DPP6: variants seen among roughly 807,000 people sequenced by gnomAD.
DPP6 encodes the protein dipeptidyl peptidase like 6.
Under a neutral mutation model 122.6 loss-of-function variants are expected in DPP6, and 69 were observed. That is an observed-to-expected ratio of 0.56 (90% confidence interval 0.46 to 0.69). The LOEUF is 0.69. DPP6 is among the 30% of genes least tolerant of loss of function. DPP6 has a pLI of 0.00. For missense variants in DPP6, 928 were observed against 1,116.9 expected (o/e 0.83, Z 2.41); for synonymous variants, 418 against 433.1 (o/e 0.97, Z 0.43).
chr7:153,925,727 G>C (rs1177143125), intron 1 of DPP6, among the ~76,000 whole-genome samples: 1 of 152,206 alleles, frequency 6.6e-6, no homozygotes, highest in Non-Finnish European at 1.5e-5. Context: ...CCAAGGTTTG[G>C]ATGAACGGAG....
chr7:154,204,828 T>A (rs972966683), intron 1 of DPP6, among the ~76,000 whole-genome samples: 1 of 152,138 alleles, frequency 6.6e-6, no homozygotes, highest in Non-Finnish European at 1.5e-5. Context: ...TGTACCTGCA[T>A]GTGTTTATAC....
At chr7:154,344,637 C>T (rs1810236758) in intron 1 of DPP6, among the ~76,000 whole-genome samples, 1 of 152,154 alleles carries the variant, frequency 6.6e-6, no homozygotes, top group Non-Finnish European at 1.5e-5. Flanking sequence ...GTTAAAACCC[C>T]AGCTTCAAGA....
chr7:154,792,048 A>T (rs1797714150), intron 10 of DPP6, among the ~76,000 whole-genome samples: 1 of 152,286 alleles, frequency 6.6e-6, no homozygotes, highest in African/African-American at 2.4e-5. Flanking sequence ...GAATGTTTCC[A>T]ACAATTGAGA....
At chr7:153,839,515 G>A in the DPP6 span, among the ~76,000 whole-genome samples, 5 of 152,230 alleles carry the variant, frequency 3.3e-5, 1 homozygote, top group South Asian at 1.0e-3. Flanking sequence ...TCCTCTTCCA[G>A]GCTGACTAGT....
chr7:153,812,457 T>A, the DPP6 span, among the ~76,000 whole-genome samples: 2 of 152,034 alleles, frequency 1.3e-5, no homozygotes, highest in African/African-American at 2.4e-5. Context: ...CTGAAGACTC[T>A]CCGAACCCAG....
intron 3 of DPP6, among the ~76,000 whole-genome samples, chr7:154,517,342 AAGG>A (rs1172596951): frequency 3.3e-5 from 5 of 152,140 alleles, no homozygotes; most frequent in African/African-American, 4.8e-5. Flanking sequence ...CTGCTTGGAG[AAGG>A]AGAAGATCCT....
chr7:154,188,716 A>C (rs1798471467), intron 1 of DPP6, among the ~76,000 whole-genome samples: 1 of 152,240 alleles, frequency 6.6e-6, no homozygotes, highest in Admixed American at 6.5e-5. Flanking sequence ...ACACCTGTAC[A>C]CACACAGACT....
chr7:154,015,989 C>T (rs560241357), intron 1 of DPP6, among the ~76,000 whole-genome samples: 10 of 152,298 alleles, frequency 6.6e-5, no homozygotes, highest in Middle Eastern at 3.4e-3. Flanking sequence ...GACCCCTTTT[C>T]CCTGCACACT....
At chr7:154,708,270 C>T (rs1840945792) in intron 7 of DPP6, among the ~76,000 whole-genome samples, 1 of 152,166 alleles carries the variant, frequency 6.6e-6, no homozygotes, top group South Asian at 2.1e-4. Context: ...GTATACAAGG[C>T]TTGAAGGCCA....
intron 1 of DPP6, among the ~76,000 whole-genome samples, chr7:154,338,902 C>G (rs1241293635): frequency 6.6e-6 from 1 of 152,206 alleles, no homozygotes; most frequent in East Asian, 1.9e-4. Context: ...CTGCCCCATT[C>G]ATCTGCGCGT....
intron 6 of DPP6, among the ~76,000 whole-genome samples, chr7:154,657,883 G>C (rs1837375377): frequency 1.3e-5 from 2 of 152,204 alleles, no homozygotes. Context: ...CTCCTCCATG[G>C]AAAAACTTGG....
chr7:154,881,146 A>C (rs1805357506), intron 21 of DPP6: 1 of 888,966 alleles, frequency 1.1e-6, no homozygotes. Flanking sequence ...TTCTTTTTAC[A>C]TTATCTGGAA....
At chr7:154,416,635 A>G (rs1817042901) in intron 1 of DPP6, among the ~76,000 whole-genome samples, 1 of 144,876 alleles carries the variant, frequency 6.9e-6, no homozygotes, top group South Asian at 2.3e-4. Flanking sequence ...CTGCAGTTTC[A>G]GGCATCCACT....
At chr7:154,820,624 CA>C (rs1438767081) in intron 16 of DPP6, among the ~76,000 whole-genome samples, 3 of 152,064 alleles carry the variant, frequency 2.0e-5, no homozygotes, top group Admixed American at 6.6e-5. Flanking sequence ...AAAATACAAC[CA>C]AAAGGCTTCC....
intron 8 of DPP6, among the ~76,000 whole-genome samples, chr7:154,751,005 T>G (rs1289851213): frequency 1.3e-5 from 2 of 152,138 alleles, no homozygotes; most frequent in African/African-American, 4.8e-5. Flanking sequence ...GGATCCACCC[T>G]TTATCACTAT....
the DPP6 span, among the ~76,000 whole-genome samples, chr7:153,864,492 T>C: frequency 6.6e-6 from 1 of 151,844 alleles, no homozygotes; most frequent in Non-Finnish European, 1.5e-5. Flanking sequence ...CCGTCTCTAC[T>C]AAAAATACCA....
chr7:154,209,077 A>G (rs1799601794), intron 1 of DPP6, among the ~76,000 whole-genome samples: 2 of 152,190 alleles, frequency 1.3e-5, no homozygotes, highest in Admixed American at 1.3e-4. Flanking sequence ...ACTTAAAGAA[A>G]TGTGTTGTAT....
intron 1 of DPP6, among the ~76,000 whole-genome samples, chr7:154,031,344 G>A (rs1270564317): frequency 6.7e-6 from 1 of 149,384 alleles, no homozygotes; most frequent in Non-Finnish European, 1.5e-5. Context: ...CTAAAGCAAG[G>A]TTTCTTAACG....
intron 3 of DPP6, among the ~76,000 whole-genome samples, chr7:154,488,339 A>T (rs1823975678): frequency 6.6e-6 from 1 of 151,904 alleles, no homozygotes; most frequent in South Asian, 2.1e-4. Flanking sequence ...ATACAAAAAA[A>T]GTTAGCCGGG....
Sources: allele counts gnomAD v4.1 joint callset (sites outside exome capture counted in the v4.1 genomes callset), GRCh38; gene constraint gnomAD v4.1.1; transcripts MANE v1.5; gene names NCBI Gene and HGNC (gene_info 2026-07-23, HGNC 2026-07-21).